The following NSG2 variants were observed in gnomAD, a reference collection of about 807,000 sequenced individuals.
NSG2 encodes the protein neuronal vesicle trafficking-associated protein 2.
NSG2 carries 4 observed loss-of-function variants against 16.9 expected under a neutral mutation model. The observed-to-expected ratio is 0.24, with a 90% CI of 0.12 to 0.54. The LOEUF (loss-of-function observed/expected upper bound fraction) is 0.54. NSG2 is among the 20% of genes least tolerant of loss of function. The probability of loss-of-function intolerance (pLI) is 0.95; values close to 1 mark genes in which losing one functional copy is unlikely to be tolerated. For missense variants in NSG2, 179 were observed against 221.1 expected (o/e 0.81, Z 1.21); for synonymous variants, 98 against 88.7 (o/e 1.11, Z -0.59).
intron 3 of NSG2, among the ~76,000 whole-genome samples, chr5:174,068,246 G>A (rs189463490): frequency 1.5e-3 from 222 of 152,280 alleles, no homozygotes; most frequent in Non-Finnish European, 1.3e-3. Flanking sequence ...TTCTGTAAGA[G>A]AGAAAAGAAG....
intron 3 of NSG2, among the ~76,000 whole-genome samples, chr5:174,064,670 G>A (rs1464114134): frequency 1.3e-5 from 2 of 151,724 alleles, no homozygotes; most frequent in Admixed American, 6.6e-5. Context: ...TTAGTCCTTC[G>A]TTGCAACAAA....
intron 4 of NSG2, among the ~76,000 whole-genome samples, chr5:174,104,625 C>T (rs1478177686): frequency 2.0e-5 from 3 of 152,134 alleles, no homozygotes; most frequent in Non-Finnish European, 4.4e-5. Context: ...TTGACATGGA[C>T]TGTTCCATTT....
At chr5:174,052,846 T>C (rs999800812) in intron 2 of NSG2, among the ~76,000 whole-genome samples, 1 of 152,134 alleles carries the variant, frequency 6.6e-6, no homozygotes, top group African/African-American at 2.4e-5. Context: ...AAGCAAACCA[T>C]AGACAGGCAC....
At position 174,104,270 on chromosome 5, in the gene NSG2, A is replaced by T. The variant is rs757745928; in HGVS notation, c.256A>T (p.Ile86Phe). The T allele has an allele frequency of 1.9e-6, 3 of 1,614,174 alleles. No homozygotes were observed. The highest frequency in any genetic ancestry group is 2.2e-5 in the South Asian group (2 of 91,078). The part of the protein sequence containing the change: ...VSLALAFLAC[I>F]VFLVVYKAFT... ...CCTGGCCCTAGCTTTCCTTGCGTGC[A>T]TCGTGTTCCTGGTGGTTTACAAAGC... Residue 86 changes from isoleucine to phenylalanine, a missense_variant, in exon 4 of 5, where the codon ATC (isoleucine) becomes TTC (phenylalanine). By Grantham distance (21) the Ile-to-Phe change is conservative. Coordinates refer to ENST00000303177, the MANE Select transcript of NSG2 (RefSeq NM_015980.5).
At chr5:174,058,609 T>C (rs1349624619) in intron 2 of NSG2, among the ~76,000 whole-genome samples, 1 of 151,954 alleles carries the variant, frequency 6.6e-6, no homozygotes, top group Non-Finnish European at 1.5e-5. Context: ...GGCTGCTGGG[T>C]GAGCCAGCAA....
intron 3 of NSG2, among the ~76,000 whole-genome samples, chr5:174,094,182 A>G (rs550052101): frequency 6.6e-6 from 1 of 152,368 alleles, no homozygotes; most frequent in East Asian, 1.9e-4. Context: ...ATGTGGCCTC[A>G]GACAAGTTAC....
intron 3 of NSG2, among the ~76,000 whole-genome samples, chr5:174,100,429 G>A (rs1473896213): frequency 6.6e-6 from 1 of 152,228 alleles, no homozygotes; most frequent in African/African-American, 2.4e-5. Flanking sequence ...ACCACTCACA[G>A]CTAGTCCTAC....
At chr5:174,047,899 G>T (rs1759827125) in intron 2 of NSG2, among the ~76,000 whole-genome samples, 1 of 152,200 alleles carries the variant, frequency 6.6e-6, no homozygotes, top group Non-Finnish European at 1.5e-5. Flanking sequence ...GCGAACAATG[G>T]ATCATTCCAT....
chr5:174,060,866 G>A (rs1223501508), intron 2 of NSG2, among the ~76,000 whole-genome samples: 1 of 152,148 alleles, frequency 6.6e-6, no homozygotes. Flanking sequence ...CAAGGTCAGT[G>A]GAGAATCTCT....
chr5:174,089,509 A>G (rs556325353), intron 3 of NSG2, among the ~76,000 whole-genome samples: 73 of 151,466 alleles, frequency 4.8e-4, no homozygotes, highest in African/African-American at 1.7e-3. Context: ...CTCTTCCTGC[A>G]CAGAGGAGCC....
chr5:174,102,754 T>TTTTATTTATTTA (rs1176455020), intron 3 of NSG2, among the ~76,000 whole-genome samples: 5 of 90,834 alleles, frequency 5.5e-5, no homozygotes, highest in South Asian at 3.0e-4. Context: ...GCTTTGTTTT[T>TTTTATTTATTTA]TTTATTTATT....
chr5:174,101,807 A>G (rs1297603715), intron 3 of NSG2, among the ~76,000 whole-genome samples: 1 of 152,146 alleles, frequency 6.6e-6, no homozygotes, highest in East Asian at 1.9e-4. Flanking sequence ...CTAGGTCCTC[A>G]GCATTTGTGA....
At chr5:174,048,128 G>A (rs1227459707) in intron 2 of NSG2, among the ~76,000 whole-genome samples, 1 of 152,196 alleles carries the variant, frequency 6.6e-6, no homozygotes, top group African/African-American at 2.4e-5. Context: ...CTAAGGAACT[G>A]GTAAAGCCTT....
chr5:174,100,182 G>T (rs77655850), intron 3 of NSG2, among the ~76,000 whole-genome samples: 1 of 152,308 alleles, frequency 6.6e-6, no homozygotes, highest in Non-Finnish European at 1.5e-5. Flanking sequence ...GGCTGCACCC[G>T]TAGCAACCAG....
rs561307884 is a variant in NSG2, at chr5:174,101,883, G to A, written c.214-2345G>A. ...TAGGAGTTTCCTAGGGTGCATATGT[G>A]TCTTCATGGTATCTCTTGCTTTAAG... On this transcript the variant is annotated intron_variant, in intron 3 of 4. Transcript: ENST00000303177. Among the ~76,000 whole-genome samples, 3 of 152,240 alleles carry A rather than the reference G, an allele frequency of 2.0e-5. No individual in the cohort carries two copies. The South Asian group carries it at 6.2e-4, about 32-fold the overall frequency.
chr5:174,092,459 G>C (rs1760734684), intron 3 of NSG2, among the ~76,000 whole-genome samples: 1 of 152,214 alleles, frequency 6.6e-6, no homozygotes, highest in African/African-American at 2.4e-5. Context: ...AAACACAGAG[G>C]GTATGGCCCT....
chr5:174,052,397 C>A (rs1759903330), intron 2 of NSG2, among the ~76,000 whole-genome samples: 1 of 152,030 alleles, frequency 6.6e-6, no homozygotes, highest in Non-Finnish European at 1.5e-5. Context: ...ACCTGAGGCC[C>A]CAGCTAGACC....
intron 2 of NSG2, among the ~76,000 whole-genome samples, chr5:174,059,148 ATAT>A (rs1376543674): frequency 1.3e-5 from 2 of 152,232 alleles, no homozygotes; most frequent in East Asian, 3.8e-4. Flanking sequence ...TATGATAAAC[ATAT>A]TATACATATA....
chr5:174,055,482 C>T (rs1283324645), intron 2 of NSG2, among the ~76,000 whole-genome samples: 1 of 152,050 alleles, frequency 6.6e-6, no homozygotes, highest in Non-Finnish European at 1.5e-5. Context: ...CCTATAGTCC[C>T]AGCTACTCGG....
Sources: gnomAD v4.1 joint callset for allele counts (sites outside exome capture counted in the v4.1 genomes callset) on GRCh38, gnomAD v4.1.1 for gene constraint, MANE v1.5 for transcripts, NCBI Gene and HGNC (gene_info 2026-07-23, HGNC 2026-07-21) for gene names.